CRISP1: variants seen among roughly 807,000 people sequenced by gnomAD.
The protein encoded by CRISP1 is cysteine rich secretory protein 1.
CRISP1 carries 44 observed loss-of-function variants against 33.1 expected under a neutral mutation model. The ratio of observed to expected loss-of-function variants is 1.33; its 90% CI spans 1.05 to 1.71. CRISP1 has a LOEUF of 1.71. Among genes scored for constraint, CRISP1 ranks in the 40% most tolerant of loss-of-function variants. CRISP1 has a pLI of 0.00. For missense variants in CRISP1, 390 were observed against 301.2 expected (o/e 1.29, Z -2.18); for synonymous variants, 103 against 98.7 (o/e 1.04, Z -0.26).
intron 1 of CRISP1, among the ~76,000 whole-genome samples, chr6:49,863,732 A>T (rs1394399539): frequency 1.3e-5 from 2 of 152,226 alleles, no homozygotes; most frequent in African/African-American, 2.4e-5. Context: ...ATGCACTCTC[A>T]TAGAATCAAT....
chr6:49,848,296 A>G lies in CRISP1; in HGVS notation c.199T>C (p.Trp67Arg), dbSNP rs191777412. The change falls in exon 4 of 8, where the codon TGG becomes CGG. Residue 67 changes from tryptophan (W) to arginine (R), a missense_variant. Physicochemically the swap from Trp to Arg is moderately radical, Grantham distance 101. Transcript: ENST00000335847. ...GCATTTTGTGCAGCCTCTTCACTCC[A>G]ACTCTGTAGTGGAAAGAAAAAAAAA... ...PPASNMLKMS[W>R]SEEAAQNARI... 38 of 1,582,958 alleles carry G rather than the reference A, an allele frequency of 2.4e-5. No homozygotes were observed. The East Asian group carries it at 7.9e-4, about 33-fold the overall frequency.
chr6:49,871,286 T>C (rs1771917496), upstream of CRISP1, among the ~76,000 whole-genome samples: 1 of 152,112 alleles, frequency 6.6e-6, no homozygotes, highest in South Asian at 2.1e-4. Context: ...ATAATTGCCC[T>C]ACTGGAACAG....
rs1771365127 is a variant in CRISP1 at position 49,852,090 on chromosome 6, CG to C, written c.105del (p.Asp36ThrfsTer20). 4 of 1,612,994 alleles carry C rather than the reference CG, an allele frequency of 2.5e-6. No homozygotes were observed. The African/African-American group carries it at 5.3e-5, about 22-fold the overall frequency. On this transcript the variant is annotated frameshift_variant, in exon 3 of 8. Coordinates refer to ENST00000335847, the MANE Select transcript of CRISP1 (RefSeq NM_001131.3). LOFTEE classifies it high-confidence loss of function. ...SARDQFNKLV[T>X]DLPNVQEEIV... ...ATCTCTTCTTGTACATTTGGCAAGT[CG>C]GTGACGAGCTTATTAAATTGGTCTC...
upstream of CRISP1, among the ~76,000 whole-genome samples, chr6:49,870,588 G>A (rs1367929800): frequency 1.6e-4 from 24 of 152,122 alleles, no homozygotes. Flanking sequence ...TCGAAGTCAA[G>A]GTCAAGAGAG....
intron 2 of CRISP1, among the ~76,000 whole-genome samples, chr6:49,852,736 A>G (rs1251744619): frequency 6.6e-6 from 1 of 152,122 alleles, no homozygotes; most frequent in Non-Finnish European, 1.5e-5. Context: ...TATAATCTTG[A>G]ATTTGTGACC....
chr6:49,841,674 A>T (rs1175988095), intron 5 of CRISP1, among the ~76,000 whole-genome samples: 11 of 152,178 alleles, frequency 7.2e-5, no homozygotes. Context: ...GTTATATAAA[A>T]ATCAAAGCTT....
Position 49,857,358 on chromosome 6 carries a change from A to G in CRISP1, c.43T>C (p.Leu15=), listed in dbSNP as rs148067663. ...ACTTTCATGGACAACATAGGCAGTA[A>G]GCAAGCAGCAGCAACCAAAAACAAG... is the stretch of plus-strand genomic sequence containing the variant. ...HLLFLVAAAC[L]LPMLSMKKKS... Residue 15 remains leucine (L), a synonymous_variant, in exon 2 of 8, where the codon TTA becomes CTA. Coordinates refer to ENST00000335847, the MANE Select transcript of CRISP1 (RefSeq NM_001131.3). The G allele has an allele frequency of 1.9e-6, 3 of 1,612,994 alleles. No individual in the cohort carries two copies. In the African/African-American group the frequency reaches 4.0e-5, roughly 22 times the overall value.
At chr6:49,853,617 T>C (rs1771413588) in intron 2 of CRISP1, among the ~76,000 whole-genome samples, 1 of 152,154 alleles carries the variant, frequency 6.6e-6, no homozygotes, top group Non-Finnish European at 1.5e-5. Context: ...TGATTGGAAT[T>C]TCCTGTTCTT....
chr6:49,868,313 A>G (rs1771845394), upstream of CRISP1, among the ~76,000 whole-genome samples: 1 of 152,184 alleles, frequency 6.6e-6, no homozygotes, highest in African/African-American at 2.4e-5. Context: ...TTAGCATAGT[A>G]GGAAACTATC....
intron 1 of CRISP1, among the ~76,000 whole-genome samples, chr6:49,859,530 G>A (rs1771586883): frequency 6.6e-6 from 1 of 151,914 alleles, no homozygotes; most frequent in East Asian, 1.9e-4. Flanking sequence ...CCATTAGACT[G>A]GCCTTACCAG....
At chr6:49,842,943 A>C (rs1771041794) in intron 5 of CRISP1, among the ~76,000 whole-genome samples, 1 of 152,164 alleles carries the variant, frequency 6.6e-6, no homozygotes, top group Non-Finnish European at 1.5e-5. Context: ...CATTGTCTTC[A>C]TTCCTGGAAA....
At chr6:49,837,332 C>T (rs9473672) in intron 7 of CRISP1, among the ~76,000 whole-genome samples, 52,628 of 151,984 alleles carry the variant, frequency 0.35, 9,808 homozygotes, top group Non-Finnish European at 0.41. Context: ...ACTCTTCTTT[C>T]ACTTCTATTA....
intron 1 of CRISP1, among the ~76,000 whole-genome samples, chr6:49,860,667 AG>A (rs1472487506): frequency 6.6e-5 from 10 of 152,260 alleles, no homozygotes; most frequent in Admixed American, 3.9e-4. Context: ...CTCAAACAAA[AG>A]AAAGATTTTA....
rs201376590 is a variant in CRISP1 at position 49,836,343 on chromosome 6, T to TTA, written c.623-901_623-900insTA. On this transcript the variant is annotated intron_variant, in intron 7 of 7. Coordinates refer to ENST00000335847, the MANE Select transcript of CRISP1 (RefSeq NM_001131.3). ...ATTTTATTTTTATTTTTATTTTATT[T>TTA]TTTTTTTTTTGAGACGGAGTCTCGC... Among the ~76,000 whole-genome samples the TTA allele has an allele frequency of 2.5e-3, 374 of 150,530 alleles. 3 individuals are homozygous for TTA. The highest frequency in any genetic ancestry group is 8.7e-3 in the African/African-American group (361 of 41,282).
chr6:49,859,104 C>CTT (rs1771574437), intron 1 of CRISP1, among the ~76,000 whole-genome samples: 2 of 152,050 alleles, frequency 1.3e-5, no homozygotes, highest in Non-Finnish European at 2.9e-5. Flanking sequence ...TGGGATGCTT[C>CTT]TAGACTCTCA....
chr6:49,859,441 C>T (rs572965497), intron 1 of CRISP1, among the ~76,000 whole-genome samples: 13 of 147,572 alleles, frequency 8.8e-5, no homozygotes, highest in South Asian at 2.1e-4. Flanking sequence ...GATACTATAA[C>T]GAAGAAAGTT....
In CRISP1 at chr6:49,841,008, A is replaced by G. The variant is rs1770970073; in HGVS notation, c.436-13T>C. On this transcript the variant is annotated splice_polypyrimidine_tract_variant and intron_variant, in intron 5 of 7. Transcript: ENST00000335847. ...TGGCCCAAACAATCTGCAATGATAA[A>G]GAGTTGTTTTATTACAGATTAAATA... 6.2e-7 allele frequency: 1 copy of G among 1,603,174 alleles called. No homozygotes were observed. Among genetic ancestry groups the G allele is most frequent in the Admixed American group, 1.7e-5 (1 of 59,906 alleles).
At chr6:49,868,469 CT>C (rs1338491061), upstream of CRISP1, among the ~76,000 whole-genome samples, 1 of 152,024 alleles carries the variant, frequency 6.6e-6, no homozygotes, top group Admixed American at 6.6e-5. Context: ...TCATGTTTGT[CT>C]GAATATATCC....
chr6:49,869,616 G>A (rs1771878022), upstream of CRISP1, among the ~76,000 whole-genome samples: 1 of 152,098 alleles, frequency 6.6e-6, no homozygotes, highest in South Asian at 2.1e-4. Context: ...AAAGTCTTGT[G>A]ATTCCTCTCA....
Sources: allele counts gnomAD v4.1 joint callset (sites outside exome capture counted in the v4.1 genomes callset), GRCh38; gene constraint gnomAD v4.1.1; transcripts MANE v1.5; gene names NCBI Gene and HGNC (gene_info 2026-07-23, HGNC 2026-07-21).